RBFOX3: variants seen among roughly 807,000 people sequenced by gnomAD.
RBFOX3 encodes RNA binding fox-1 homolog 3, also known as RNA binding protein fox-1 homolog 3.
RBFOX3 carries 17 observed loss-of-function variants against 48.7 expected under a neutral mutation model. The observed-to-expected ratio is 0.35, with a 90% CI of 0.24 to 0.52. The LOEUF is 0.52. Among genes scored for constraint, RBFOX3 ranks in the 20% least tolerant of loss-of-function variants. The probability of loss-of-function intolerance (pLI) is 0.94; values close to 1 mark genes in which losing one functional copy is unlikely to be tolerated. For missense variants in RBFOX3, 382 were observed against 497.5 expected (o/e 0.77, Z 2.21); for synonymous variants, 212 against 209.5 (o/e 1.01, Z -0.10).
chr17:79,495,853 G>A (rs1268941066), intron 1 of RBFOX3, among the ~76,000 whole-genome samples: 5 of 151,616 alleles, frequency 3.3e-5, no homozygotes, highest in Admixed American at 6.6e-5. Flanking sequence ...ACGGGGTGGA[G>A]GTTAAGGCAG....
intron 1 of RBFOX3, among the ~76,000 whole-genome samples, chr17:79,591,371 A>G (rs1353733065): frequency 2.0e-5 from 3 of 152,206 alleles, no homozygotes; most frequent in African/African-American, 7.2e-5. Flanking sequence ...TCCTGGGGAC[A>G]GGAGACACAC....
chr17:79,119,906 T>C (rs1388984167), intron 4 of RBFOX3, among the ~76,000 whole-genome samples: 1 of 152,222 alleles, frequency 6.6e-6, no homozygotes, highest in Non-Finnish European at 1.5e-5. Context: ...CCCAGGAGAC[T>C]GACATGCAGC....
At chr17:79,277,850 C>T (rs1272944552) in intron 3 of RBFOX3, among the ~76,000 whole-genome samples, 1 of 152,226 alleles carries the variant, frequency 6.6e-6, no homozygotes, top group East Asian at 1.9e-4. Context: ...CCTTAGCCCC[C>T]TGCAGTCCTG....
the RBFOX3 span, among the ~76,000 whole-genome samples, chr17:79,623,467 G>C: frequency 1.3e-5 from 2 of 152,140 alleles, no homozygotes; most frequent in African/African-American, 4.8e-5. Context: ...CTTGAGATGG[G>C]AGGTGATCCT....
intron 1 of RBFOX3, among the ~76,000 whole-genome samples, chr17:79,519,947 G>A (rs972462753): frequency 4.6e-5 from 7 of 152,176 alleles, no homozygotes; most frequent in South Asian, 2.1e-4. Context: ...CTCTGCATCC[G>A]TTCACTAGAA....
intron 2 of RBFOX3, among the ~76,000 whole-genome samples, chr17:79,420,125 T>TCACACACA (rs1362849426): frequency 0.012 from 313 of 25,150 alleles, 4 homozygotes; most frequent in East Asian, 0.026. Flanking sequence ...AGACTCCGTC[T>TCACACACA]CATACACACA....
chr17:79,157,881 G>A (rs1402803639), intron 4 of RBFOX3, among the ~76,000 whole-genome samples: 1 of 152,204 alleles, frequency 6.6e-6, no homozygotes, highest in East Asian at 1.9e-4. Context: ...CAGGGGAGGC[G>A]ACTGCAAGCT....
intron 4 of RBFOX3, among the ~76,000 whole-genome samples, chr17:79,138,768 A>C (rs1382006801): frequency 1.2e-5 from 1 of 86,578 alleles, no homozygotes; most frequent in Non-Finnish European, 2.2e-5. Context: ...ATCCACAAAC[A>C]TGCACACAGC....
intron 14 of RBFOX3, chr17:79,092,069 C>T: frequency 1.0e-6 from 1 of 985,482 alleles, no homozygotes; most frequent in African/African-American, 1.7e-5. Context: ...CGGGGAGACC[C>T]ACACTGGGTG....
intron 4 of RBFOX3, among the ~76,000 whole-genome samples, chr17:79,143,376 G>T (rs113894025): frequency 7.9e-6 from 1 of 126,158 alleles, no homozygotes; most frequent in Non-Finnish European, 1.7e-5. Context: ...GGTGGAGCGG[G>T]GGGTGGGGGG....
intron 1 of RBFOX3, among the ~76,000 whole-genome samples, chr17:79,588,802 C>A (rs1223844457): frequency 6.7e-6 from 1 of 150,318 alleles, no homozygotes; most frequent in African/African-American, 2.5e-5. Context: ...ATAGTGAGAC[C>A]CCATCCTGAA....
At chr17:79,208,460 G>GTC (rs1029741866) in intron 4 of RBFOX3, 3 of 152,442 alleles carry the variant, frequency 2.0e-5, no homozygotes, top group African/African-American at 7.2e-5. Flanking sequence ...TTCTGCTGGG[G>GTC]TCTCCAACCC....
intron 3 of RBFOX3, among the ~76,000 whole-genome samples, chr17:79,290,329 G>A (rs1332027835): frequency 6.6e-6 from 1 of 152,174 alleles, no homozygotes; most frequent in African/African-American, 2.4e-5. Context: ...GAGCCAGCTG[G>A]GTTGGAGTCC....
At chr17:79,144,644 G>A (rs1426598937) in intron 4 of RBFOX3, among the ~76,000 whole-genome samples, 7 of 152,276 alleles carry the variant, frequency 4.6e-5, no homozygotes, top group East Asian at 1.9e-4. Context: ...CCCCTCTCCC[G>A]GCCCTGGGAC....
intron 4 of RBFOX3, among the ~76,000 whole-genome samples, chr17:79,222,676 C>G (rs867825252): frequency 4.5e-4 from 69 of 152,370 alleles, no homozygotes; most frequent in African/African-American, 1.6e-3. Context: ...CCATGTCCCC[C>G]CACACACAGC....
At position 79,296,771 on chromosome 17, in the gene RBFOX3, CTCTG is replaced by C. The variant is rs201455195; in HGVS notation, c.-74+10949_-74+10952del. Among the ~76,000 whole-genome samples, 72 of 148,202 alleles carry C rather than the reference CTCTG, an allele frequency of 4.9e-4. 1 individual carries two copies. The highest frequency in any genetic ancestry group is 3.2e-3 in the Admixed American group (48 of 14,824). On this transcript the variant is annotated intron_variant, in intron 3 of 14. Transcript: ENST00000693108. ...CCTTTCTCCTTCTTTTACTACTCCT[CTCTG>C]TCTTTCTCCTCCTCTCCCTCCTCTT...
At chr17:79,158,748 G>A (rs2046347378) in intron 4 of RBFOX3, among the ~76,000 whole-genome samples, 1 of 152,196 alleles carries the variant, frequency 6.6e-6, no homozygotes, top group Non-Finnish European at 1.5e-5. Context: ...CATGGAGGTG[G>A]CCAGGACAGG....
chr17:79,202,568 C>T (rs927638668), intron 4 of RBFOX3, among the ~76,000 whole-genome samples: 4 of 152,258 alleles, frequency 2.6e-5, no homozygotes, highest in African/African-American at 9.6e-5. Context: ...GTCAGTGTTA[C>T]ATCCGGGAAG....
intron 2 of RBFOX3, among the ~76,000 whole-genome samples, chr17:79,431,069 T>C (rs1170108339): frequency 2.0e-5 from 3 of 152,186 alleles, no homozygotes; most frequent in African/African-American, 4.8e-5. Context: ...GAATCATTCC[T>C]TACAGTTAAG....
Sources: gnomAD v4.1 joint callset for allele counts (sites outside exome capture counted in the v4.1 genomes callset) on GRCh38, gnomAD v4.1.1 for gene constraint, MANE v1.5 for transcripts, NCBI Gene and HGNC (gene_info 2026-07-23, HGNC 2026-07-21) for gene names.